The following AHCY variants were observed in gnomAD, a reference collection of about 807,000 sequenced individuals.
The protein encoded by AHCY is S-adenosyl-L-homocysteine hydrolase.
A neutral mutation model predicts 45.4 loss-of-function variants in AHCY; 24 were observed. That is an observed-to-expected ratio of 0.53 (90% CI 0.38 to 0.74). The LOEUF is 0.74. Among genes scored for constraint, AHCY ranks in the 30% least tolerant of loss-of-function variants. The probability of loss-of-function intolerance (pLI) is 0.00; values close to 1 mark genes in which losing one functional copy is unlikely to be tolerated. For synonymous variants in AHCY, 245 were observed against 235.1 expected (o/e 1.04, Z -0.39); for missense variants, 449 against 594.1 (o/e 0.76, Z 2.54).
the AHCY span, among the ~76,000 whole-genome samples, chr20:34,271,604 C>T: frequency 1.0e-4 from 14 of 135,782 alleles, 1 homozygote; most frequent in East Asian, 2.8e-3. Flanking sequence ...CTTGCTCTGT[C>T]ACCCAGGCTG....
chr20:34,241,562 TAAC>T, the AHCY span: 3 of 979,590 alleles, frequency 3.1e-6, no homozygotes, highest in Non-Finnish European at 3.6e-6. Flanking sequence ...TGAAAGGACT[TAAC>T]AGTTATCCCT....
At chr20:34,285,950 A>C in intron 8 of AHCY, 1 of 349,042 alleles carries the variant, frequency 2.9e-6, no homozygotes, top group East Asian at 7.1e-5. Context: ...AAAAAAATAC[A>C]AAAAATTAGC....
the AHCY span, chr20:34,234,735 A>AC: frequency 6.6e-6 from 1 of 152,134 alleles, no homozygotes; most frequent in Non-Finnish European, 1.5e-5. Flanking sequence ...AATCATTTGA[A>AC]CCCAGGAGGC....
At chr20:34,265,005 G>A in the AHCY span, among the ~76,000 whole-genome samples, 140 of 151,774 alleles carry the variant, frequency 9.2e-4, no homozygotes, top group Middle Eastern at 3.4e-3. Flanking sequence ...GGTGTTGCCC[G>A]GGCTGGTCTC....
At chr20:34,235,079 G>A in the AHCY span, 1 of 152,206 alleles carries the variant, frequency 6.6e-6, no homozygotes, top group African/African-American at 2.4e-5. Flanking sequence ...TTGCTCACCA[G>A]TCAGGCATAT....
At chr20:34,269,117 C>T in the AHCY span, 9 of 1,560,336 alleles carry the variant, frequency 5.8e-6, no homozygotes, top group African/African-American at 1.1e-4. Context: ...CTGCCAGTGC[C>T]GCTTCTTCCG....
chr20:34,298,109 A>G (rs2036630872), intron 1 of AHCY, among the ~76,000 whole-genome samples: 1 of 152,198 alleles, frequency 6.6e-6, no homozygotes, highest in African/African-American at 2.4e-5. Flanking sequence ...ACTGCACTCC[A>G]GCCTGGGTGA....
the AHCY span, among the ~76,000 whole-genome samples, chr20:34,261,149 C>T: frequency 6.6e-6 from 1 of 152,242 alleles, no homozygotes; most frequent in African/African-American, 2.4e-5. Flanking sequence ...TACTTAACTC[C>T]AGAACCTAAG....
At chr20:34,303,392 T>G (rs569141402), upstream of AHCY, 16 of 1,422,084 alleles carry the variant, frequency 1.1e-5, no homozygotes, top group African/African-American at 8.5e-5. Context: ...AATATCTTCC[T>G]CGCACTTGCA....
chr20:34,307,451 C>A (rs2036907390), upstream of AHCY, among the ~76,000 whole-genome samples: 1 of 152,060 alleles, frequency 6.6e-6, no homozygotes, highest in Non-Finnish European at 1.5e-5. Context: ...TGGCTCACTG[C>A]AACCTCCTCC....
chr20:34,263,730 G>A, the AHCY span, among the ~76,000 whole-genome samples: 7 of 150,080 alleles, frequency 4.7e-5, no homozygotes, highest in South Asian at 2.1e-4. Flanking sequence ...GTTCGGTGGC[G>A]TGATCTTGGC....
chr20:34,274,709 G>A, the AHCY span, among the ~76,000 whole-genome samples: 2 of 152,158 alleles, frequency 1.3e-5, no homozygotes, highest in African/African-American at 4.8e-5. Context: ...CACTTTGGGA[G>A]GCCGAGGCAG....
chr20:34,269,258 G>A, the AHCY span: 2 of 1,400,538 alleles, frequency 1.4e-6, no homozygotes, highest in Non-Finnish European at 1.9e-6. Flanking sequence ...GCTTCCCAGG[G>A]CTGCAGGCGG....
chr20:34,258,705 TA>T, the AHCY span, among the ~76,000 whole-genome samples: 17 of 95,718 alleles, frequency 1.8e-4, 2 homozygotes, highest in African/African-American at 6.5e-4. Flanking sequence ...ACTATATATA[TA>T]TATTATATAT....
the AHCY span, among the ~76,000 whole-genome samples, chr20:34,261,958 C>T: frequency 4.0e-5 from 6 of 151,810 alleles, no homozygotes; most frequent in Non-Finnish European, 7.4e-5. Context: ...ACTAAAAATA[C>T]AAAAATTAGC....
chr20:34,258,079 G>A, the AHCY span, among the ~76,000 whole-genome samples: 1 of 152,098 alleles, frequency 6.6e-6, no homozygotes, highest in Admixed American at 6.6e-5. Context: ...GGGAGGCAGA[G>A]GTTGCAGTAA....
chr20:34,284,241 C>A (rs938164538), intron 9 of AHCY, among the ~76,000 whole-genome samples: 1 of 152,196 alleles, frequency 6.6e-6, no homozygotes, highest in South Asian at 2.1e-4. Context: ...CTCACTGCAA[C>A]CTCCACCTCC....
chr20:34,285,585 T>C lies in AHCY; in HGVS notation c.1022A>G (p.Glu341Gly). ...ACAACCCAGGTTGACCAGCCGACCCTCGGCCAGCAGGATGATGCGGCGCCC... is the reference window on the plus strand; with the variant it reads ...ACAACCCAGGTTGACCAGCCGACCCCCGGCCAGCAGGATGATGCGGCGCCC... ...KNGRRIILLA[E>G]GRLVNLGCAM... The change falls in exon 9 of 10, where the codon GAG (glutamate) becomes GGG (glycine). Residue 341 changes from glutamate to glycine, a missense_variant. Coordinates refer to ENST00000217426, the MANE Select transcript of AHCY (RefSeq NM_000687.4). 6.2e-7 allele frequency: 1 copy of C among 1,614,022 alleles called. No individual in the cohort carries two copies. The highest frequency in any genetic ancestry group is 1.1e-5 in the South Asian group (1 of 91,074).
At chr20:34,256,876 G>C in the AHCY span, among the ~76,000 whole-genome samples, 1 of 152,052 alleles carries the variant, frequency 6.6e-6, no homozygotes, top group Admixed American at 6.6e-5. Context: ...AACTTCCTGG[G>C]GTCAGGTGAT....
Sources: gnomAD v4.1 joint callset for allele counts (sites outside exome capture counted in the v4.1 genomes callset) on GRCh38, gnomAD v4.1.1 for gene constraint, MANE v1.5 for transcripts, NCBI Gene and HGNC (gene_info 2026-07-23, HGNC 2026-07-21) for gene names.